Variants in PTPRM observed in about 807,000 individuals in gnomAD.
PTPRM encodes protein tyrosine phosphatase receptor type M.
PTPRM carries 47 observed loss-of-function variants against 186.7 expected under a neutral mutation model. The observed-to-expected ratio is 0.25, with a 90% CI of 0.20 to 0.32. The LOEUF (loss-of-function observed/expected upper bound fraction) is 0.32. Among genes scored for constraint, PTPRM ranks in the 10% least tolerant of loss-of-function variants. PTPRM has a pLI of 1.00. For synonymous variants in PTPRM, 668 were observed against 674.9 expected (o/e 0.99, Z 0.16); for missense variants, 1,494 against 1,865.0 (o/e 0.80, Z 3.66).
chr18:8,307,694 C>T (rs555167588), intron 20 of PTPRM, among the ~76,000 whole-genome samples: 160 of 152,000 alleles, frequency 1.1e-3, no homozygotes, highest in African/African-American at 3.7e-3. Context: ...ATCCCAGCTA[C>T]TCAAAAGGCT....
intron 1 of PTPRM, among the ~76,000 whole-genome samples, chr18:7,648,174 C>A (rs574728175): frequency 1.3e-5 from 2 of 152,114 alleles, no homozygotes; most frequent in African/African-American, 4.8e-5. Context: ...ATCGATGTTA[C>A]TATTGTAATT....
intron 1 of PTPRM, among the ~76,000 whole-genome samples, chr18:7,586,814 A>G (rs761621290): frequency 4.1e-4 from 63 of 152,226 alleles, no homozygotes; most frequent in Non-Finnish European, 7.8e-4. Context: ...TTGACATTTT[A>G]AAATACAACT....
intron 1 of PTPRM, among the ~76,000 whole-genome samples, chr18:7,685,181 C>G (rs1454965363): frequency 6.6e-6 from 1 of 152,138 alleles, no homozygotes; most frequent in Non-Finnish European, 1.5e-5. Context: ...TTCCACCCAC[C>G]ACCAGGGTCA....
chr18:8,025,421 G>A (rs977945921), intron 7 of PTPRM, among the ~76,000 whole-genome samples: 1 of 152,154 alleles, frequency 6.6e-6, no homozygotes, highest in Non-Finnish European at 1.5e-5. Flanking sequence ...AGACCACTGA[G>A]GCCTCACATC....
chr18:8,117,301 C>T (rs894761271), intron 13 of PTPRM, among the ~76,000 whole-genome samples: 2 of 152,142 alleles, frequency 1.3e-5, no homozygotes, highest in African/African-American at 2.4e-5. Flanking sequence ...ATACTGCTCA[C>T]AGTGCGATGG....
At chr18:7,927,409 G>C (rs1293702091) in intron 5 of PTPRM, among the ~76,000 whole-genome samples, 1 of 151,366 alleles carries the variant, frequency 6.6e-6, no homozygotes, top group Non-Finnish European at 1.5e-5. Flanking sequence ...TCTGGAGGCT[G>C]CTCATTTTTC....
intron 11 of PTPRM, among the ~76,000 whole-genome samples, chr18:8,097,369 C>T (rs2091064031): frequency 6.6e-6 from 1 of 152,098 alleles, no homozygotes; most frequent in Non-Finnish European, 1.5e-5. Context: ...ATCTCTACTT[C>T]TACCTGCTAA....
chr18:7,875,023 T>C (rs532219810), intron 2 of PTPRM, among the ~76,000 whole-genome samples: 3 of 151,984 alleles, frequency 2.0e-5, no homozygotes, highest in Non-Finnish European at 2.9e-5. Flanking sequence ...TGAAACCCCG[T>C]CTCTACTAAA....
At chr18:8,064,212 G>A (rs999955548) in intron 7 of PTPRM, among the ~76,000 whole-genome samples, 1 of 152,098 alleles carries the variant, frequency 6.6e-6, no homozygotes, top group African/African-American at 2.4e-5. Context: ...GCGAGATGGG[G>A]CAGTAGTTTA....
At chr18:7,677,918 T>A (rs1355390059) in intron 1 of PTPRM, among the ~76,000 whole-genome samples, 1 of 152,140 alleles carries the variant, frequency 6.6e-6, no homozygotes, top group East Asian at 1.9e-4. Context: ...TATTTATTTA[T>A]CATCTCTGCC....
intron 7 of PTPRM, among the ~76,000 whole-genome samples, chr18:7,999,023 C>A (rs191087013): frequency 6.6e-5 from 10 of 152,294 alleles, no homozygotes; most frequent in Non-Finnish European, 1.2e-4. Context: ...AATTTGTATT[C>A]ATTCCTTTTC....
chr18:8,337,526 C>T (rs1447169425), intron 22 of PTPRM, among the ~76,000 whole-genome samples: 2 of 152,210 alleles, frequency 1.3e-5, no homozygotes, highest in African/African-American at 4.8e-5. Flanking sequence ...GGTGGCCACT[C>T]ATACCCACTG....
chr18:8,401,878 G>A (rs927830894), intron 32 of PTPRM, among the ~76,000 whole-genome samples: 21 of 152,240 alleles, frequency 1.4e-4, no homozygotes, highest in African/African-American at 4.8e-4. Flanking sequence ...GCCAGCGTCA[G>A]GGACCTTGGT....
intron 11 of PTPRM, among the ~76,000 whole-genome samples, chr18:8,108,955 G>A (rs955673993): frequency 1.3e-5 from 2 of 152,140 alleles, no homozygotes; most frequent in Admixed American, 1.3e-4. Context: ...AAGGATAATA[G>A]AATTTAAATT....
intron 32 of PTPRM, chr18:8,404,459 A>G (rs766978722): frequency 6.6e-6 from 1 of 152,178 alleles, no homozygotes; most frequent in South Asian, 2.1e-4. Flanking sequence ...TTGACTCTCA[A>G]CTGTGTCAGT....
chr18:7,708,380 C>A (rs944134364), intron 1 of PTPRM, among the ~76,000 whole-genome samples: 2 of 152,174 alleles, frequency 1.3e-5, no homozygotes, highest in African/African-American at 4.8e-5. Flanking sequence ...AAACTATAAT[C>A]AAGCTCTTTC....
At chr18:8,090,139 G>A (rs927312312) in intron 11 of PTPRM, among the ~76,000 whole-genome samples, 6 of 152,174 alleles carry the variant, frequency 3.9e-5, no homozygotes, top group African/African-American at 7.2e-5. Flanking sequence ...GTGGCACTGA[G>A]AGGTTGCACT....
chr18:7,581,382 G>A (rs1598453349), intron 1 of PTPRM, among the ~76,000 whole-genome samples: 1 of 152,116 alleles, frequency 6.6e-6, no homozygotes, highest in African/African-American at 2.4e-5. Flanking sequence ...AAATAAATAG[G>A]TTCTGTTACC....
chr18:7,990,779 A>G (rs2083226777), intron 7 of PTPRM, among the ~76,000 whole-genome samples: 1 of 152,106 alleles, frequency 6.6e-6, no homozygotes, highest in Non-Finnish European at 1.5e-5. Flanking sequence ...CTTCAAGGAT[A>G]GACTCTGTGT....
Sources: allele counts gnomAD v4.1 joint callset (sites outside exome capture counted in the v4.1 genomes callset), GRCh38; gene constraint gnomAD v4.1.1; transcripts MANE v1.5; gene names NCBI Gene and HGNC (gene_info 2026-07-23, HGNC 2026-07-21).